Variants in RORB observed in about 807,000 individuals in gnomAD.
RORB encodes nuclear receptor ROR-beta.
In RORB, 6 loss-of-function variants were observed where a neutral mutation model predicts 59.1. The ratio of observed to expected loss-of-function variants is 0.10; its 90% CI spans 0.06 to 0.20. The LOEUF is 0.20. Ranked by LOEUF, RORB falls within the 10% of genes least tolerant of loss-of-function variation. RORB has a pLI of 1.00. For synonymous variants in RORB, 215 were observed against 204.5 expected (o/e 1.05, Z -0.44); for missense variants, 320 against 560.5 (o/e 0.57, Z 4.33).
intron 4 of RORB, among the ~76,000 whole-genome samples, chr9:74,655,921 G>A (rs1482402701): frequency 1.3e-5 from 2 of 152,190 alleles, no homozygotes; most frequent in Non-Finnish European, 2.9e-5. Context: ...AAGTGGTGGA[G>A]GAATGTGTCT....
chr9:74,583,982 C>A (rs1161232989), intron 1 of RORB, among the ~76,000 whole-genome samples: 1 of 151,968 alleles, frequency 6.6e-6, no homozygotes. Context: ...AGAACGGGTA[C>A]AAAAATGCAA....
chr9:74,563,234 G>A (rs1314755295), intron 1 of RORB, among the ~76,000 whole-genome samples: 3 of 144,792 alleles, frequency 2.1e-5, no homozygotes, highest in Non-Finnish European at 3.0e-5. Context: ...CGCCCAGGCT[G>A]GAGTGCAGTA....
intron 1 of RORB, among the ~76,000 whole-genome samples, chr9:74,619,788 A>G (rs143093056): frequency 0.012 from 1,831 of 152,238 alleles, 17 homozygotes; most frequent in Non-Finnish European, 0.018. Flanking sequence ...TTCTGCATCT[A>G]TTGAGATAAT....
At chr9:74,682,376 A>G (rs979039893) in intron 9 of RORB, among the ~76,000 whole-genome samples, 11 of 151,866 alleles carry the variant, frequency 7.2e-5, no homozygotes, top group African/African-American at 2.4e-4. Context: ...TGGCACATGT[A>G]TACATATGTA....
At chr9:74,608,304 G>A (rs1180216275) in intron 1 of RORB, among the ~76,000 whole-genome samples, 1 of 152,042 alleles carries the variant, frequency 6.6e-6, no homozygotes, top group Non-Finnish European at 1.5e-5. Flanking sequence ...GGTGGCTCAC[G>A]CCTGTAATCC....
intron 1 of RORB, among the ~76,000 whole-genome samples, chr9:74,593,492 GGAA>G (rs1437031851): frequency 4.0e-5 from 6 of 150,036 alleles, no homozygotes; most frequent in Admixed American, 3.3e-4. Flanking sequence ...AAACAAAAGA[GGAA>G]GAAGAACTTC....
intron 7 of RORB, among the ~76,000 whole-genome samples, chr9:74,666,259 C>A (rs535028856): frequency 6.6e-6 from 1 of 152,086 alleles, no homozygotes; most frequent in East Asian, 1.9e-4. Flanking sequence ...TGCACTCCAG[C>A]TTGGGCAACA....
chr9:74,663,483 A>C (rs972749947), intron 6 of RORB, among the ~76,000 whole-genome samples: 2 of 152,222 alleles, frequency 1.3e-5, no homozygotes, highest in Non-Finnish European at 2.9e-5. Flanking sequence ...TGTTATTCTA[A>C]GATCCCTTCT....
At chr9:74,532,829 TATATATATACAC>T (rs1034821988) in intron 1 of RORB, among the ~76,000 whole-genome samples, 12 of 135,148 alleles carry the variant, frequency 8.9e-5, no homozygotes, top group East Asian at 2.1e-4. Context: ...TATATATGTG[TATATATATACAC>T]ATATATATAC....
At chr9:74,591,573 C>T (rs1822893759) in intron 1 of RORB, among the ~76,000 whole-genome samples, 1 of 152,116 alleles carries the variant, frequency 6.6e-6, no homozygotes, top group Non-Finnish European at 1.5e-5. Context: ...ATCATAAAAT[C>T]CTGGAGACTA....
chr9:74,609,931 G>C (rs955874395), intron 1 of RORB, among the ~76,000 whole-genome samples: 1 of 152,148 alleles, frequency 6.6e-6, no homozygotes, highest in African/African-American at 2.4e-5. Context: ...AAAATACACA[G>C]AACAGCTCCA....
intron 8 of RORB, 84 bp from the exon 9 acceptor site, chr9:74,671,705 G>A (rs1267186892): frequency 1.4e-6 from 1 of 700,926 alleles, no homozygotes; most frequent in Admixed American, 2.6e-5. Context: ...ATATGAAATG[G>A]GTCTGAAGCT....
intron 2 of RORB, 59 bp downstream of exon 2, chr9:74,630,426 A>T: frequency 7.8e-7 from 1 of 1,288,376 alleles, no homozygotes; most frequent in Non-Finnish European, 1.1e-6. Context: ...TGTACCTCAC[A>T]AGATGCGGTG....
chr9:74,570,260 A>C (rs145214715), intron 1 of RORB, among the ~76,000 whole-genome samples: 46 of 152,244 alleles, frequency 3.0e-4, no homozygotes, highest in African/African-American at 1.0e-3. Flanking sequence ...TTATAAATTA[A>C]TTGAATTCTG....
intron 8 of RORB, among the ~76,000 whole-genome samples, chr9:74,670,879 C>T (rs556486423): frequency 1.7e-4 from 26 of 152,324 alleles, no homozygotes; most frequent in Admixed American, 1.1e-3. Context: ...CTAGACTTGT[C>T]TTCATCCTGT....
chr9:74,509,991 C>T (rs577141985), intron 1 of RORB, among the ~76,000 whole-genome samples: 14 of 152,198 alleles, frequency 9.2e-5, no homozygotes, highest in East Asian at 1.9e-4. Flanking sequence ...ATCATTTATG[C>T]GGTTGATTTT....
At chr9:74,572,917 T>A (rs141768726) in intron 1 of RORB, among the ~76,000 whole-genome samples, 1 of 152,314 alleles carries the variant, frequency 6.6e-6, no homozygotes, top group Non-Finnish European at 1.5e-5. Flanking sequence ...GAACAACTGT[T>A]CCAAAATTAG....
chr9:74,583,799 C>T lies in RORB; in HGVS notation c.8-46483C>T, dbSNP rs1822758940. Among the ~76,000 whole-genome samples, 3 of 152,174 alleles carry T rather than the reference C, an allele frequency of 2.0e-5. No homozygotes were observed. The South Asian group carries it at 6.2e-4, about 32-fold the overall frequency. ...CTCAACTTTTTTGAGATTCTCAAAG[C>T]TGAATCCAAATATGCTCAGTGTTAG... is the stretch of plus-strand genomic sequence containing the variant. On this transcript the variant is annotated intron_variant, in intron 1 of 9. Transcript: ENST00000376896.
At chr9:74,527,026 G>A (rs1011068849) in intron 1 of RORB, among the ~76,000 whole-genome samples, 2 of 151,902 alleles carry the variant, frequency 1.3e-5, no homozygotes, top group Admixed American at 1.3e-4. Context: ...TAGATTTACA[G>A]CTACTCTCAA....
Sources: gnomAD v4.1 joint callset for allele counts (sites outside exome capture counted in the v4.1 genomes callset) on GRCh38, gnomAD v4.1.1 for gene constraint, MANE v1.5 for transcripts, NCBI Gene and HGNC (gene_info 2026-07-23, HGNC 2026-07-21) for gene names.